The following GABRR3 variants were observed in gnomAD, a reference collection of about 807,000 sequenced individuals.
GABRR3 encodes gamma-aminobutyric acid type A receptor subunit rho3, also known as gamma-aminobutyric acid receptor subunit rho-3.
In GABRR3, 29 loss-of-function variants were observed where a neutral mutation model predicts 43.2. The observed-to-expected ratio is 0.67, with a 90% CI of 0.50 to 0.92. The LOEUF is 0.92. Among genes scored for constraint, GABRR3 ranks in the 40% least tolerant of loss-of-function variants. The pLI is 0.00. For synonymous variants in GABRR3, 206 were observed against 195.9 expected (o/e 1.05, Z -0.43); for missense variants, 576 against 572.3 (o/e 1.01, Z -0.07).
intron 7 of GABRR3, among the ~76,000 whole-genome samples, chr3:98,002,257 G>C (rs907094854): frequency 1.3e-5 from 2 of 152,154 alleles, no homozygotes; most frequent in Non-Finnish European, 2.9e-5. Flanking sequence ...AAAGAAAACA[G>C]CATCCATAAG....
intron 5 of GABRR3, 64 bp from the exon 6 acceptor site, chr3:98,009,102 A>C (rs1232860495): frequency 9.9e-7 from 1 of 1,014,358 alleles, no homozygotes; most frequent in East Asian, 2.6e-5. Flanking sequence ...ATGAGCATGC[A>C]ACATTGAAGC....
intron 4 of GABRR3, 77 bp from the exon 5 acceptor site, chr3:98,012,644 A>G (rs1171319564): frequency 2.1e-6 from 2 of 947,690 alleles, no homozygotes; most frequent in Admixed American, 4.0e-5. Flanking sequence ...TGTTAGTCCC[A>G]GGACTCATTC....
chr3:98,027,877 T>C (rs1414810201), intron 2 of GABRR3, among the ~76,000 whole-genome samples: 2 of 152,166 alleles, frequency 1.3e-5, no homozygotes, highest in Non-Finnish European at 2.9e-5. Context: ...AATCTAAATA[T>C]ACACATTATG....
At chr3:98,021,773 T>C (rs1210204402) in intron 3 of GABRR3, among the ~76,000 whole-genome samples, 1 of 152,228 alleles carries the variant, frequency 6.6e-6, no homozygotes, top group South Asian at 2.1e-4. Context: ...TAATCCTTTT[T>C]GTATATGGCA....
chr3:98,002,521 C>T (rs1297572093), intron 7 of GABRR3, among the ~76,000 whole-genome samples: 1 of 152,124 alleles, frequency 6.6e-6, no homozygotes, highest in Non-Finnish European at 1.5e-5. Context: ...TCTCTGAGCA[C>T]CATTCTTTAA....
intron 2 of GABRR3, among the ~76,000 whole-genome samples, chr3:98,032,823 T>G (rs1707106610): frequency 6.6e-6 from 1 of 152,166 alleles, no homozygotes; most frequent in Non-Finnish European, 1.5e-5. Flanking sequence ...AGATCATGTC[T>G]TCCTTTCATG....
chr3:98,005,991 A>G (rs1666201296), intron 7 of GABRR3, among the ~76,000 whole-genome samples: 1 of 152,136 alleles, frequency 6.6e-6, no homozygotes, highest in African/African-American at 2.4e-5. Flanking sequence ...CACATATACC[A>G]TGCTTCATTG....
At chr3:98,007,718 A>G in intron 7 of GABRR3, 46 bp downstream of exon 7, 1 of 1,606,366 alleles carries the variant, frequency 6.2e-7, no homozygotes, top group South Asian at 1.1e-5. Context: ...TGCAAACAGT[A>G]GATGTCCAAT....
At chr3:97,985,778 T>G (rs1706376807), downstream of GABRR3, among the ~76,000 whole-genome samples, 1 of 152,098 alleles carries the variant, frequency 6.6e-6, no homozygotes, top group African/African-American at 2.4e-5. Context: ...AACATTAGAA[T>G]GAGAAGAATA....
chr3:98,028,965 G>A (rs1226032815), intron 2 of GABRR3, among the ~76,000 whole-genome samples: 1 of 152,016 alleles, frequency 6.6e-6, no homozygotes, highest in African/African-American at 2.4e-5. Context: ...GAGTGTTCTA[G>A]TCTTATTCTA....
At chr3:98,033,443 C>T (rs1423219299) in intron 2 of GABRR3, among the ~76,000 whole-genome samples, 4 of 151,904 alleles carry the variant, frequency 2.6e-5, no homozygotes, top group Non-Finnish European at 1.5e-5. Flanking sequence ...CACAAAGAAC[C>T]AATGTTCTTT....
intron 8 of GABRR3, among the ~76,000 whole-genome samples, chr3:97,993,904 A>G (rs1344369819): frequency 2.6e-5 from 4 of 152,288 alleles, no homozygotes; most frequent in Middle Eastern, 3.4e-3. Context: ...AAAATGGAGA[A>G]CGAAGTGACT....
At chr3:97,986,712 T>A in exon 10 of GABRR3, 4 of 1,564,546 alleles carry the variant, frequency 2.6e-6, no homozygotes, top group Non-Finnish European at 3.5e-6. Context: ...TAAAACAAAT[T>A]AAATAAAATA....
rs1322901134 is a variant in GABRR3, at chr3:98,001,512, C to T, written c.907+103G>A. 4.0e-6 allele frequency: 5 copies of T among 1,257,690 alleles called. No individual in the cohort carries two copies. In the Admixed American group the frequency reaches 1.1e-4, roughly 27 times the overall value. The allele number at this position is 1,257,690 out of a possible 1,614,324, so 77.9% of individuals were successfully genotyped here. On this transcript the variant is annotated intron_variant, in intron 8 of 9. Coordinates refer to ENST00000621172, the Ensembl canonical transcript of GABRR3. Reference sequence around the variant, plus strand: ...GGATGTTCATCTCTGACTATCCCTACTAAACCACCACTCTCTTTTCCTCTC... The same window carrying T: ...GGATGTTCATCTCTGACTATCCCTATTAAACCACCACTCTCTTTTCCTCTC...
intron 9 of GABRR3, among the ~76,000 whole-genome samples, chr3:97,990,970 A>C (rs1041603422): frequency 6.6e-6 from 1 of 152,242 alleles, no homozygotes; most frequent in Non-Finnish European, 1.5e-5. Context: ...AGTGAAAAAT[A>C]GTTTTTAAAA....
At chr3:97,995,636 G>A (rs1248817118) in intron 8 of GABRR3, among the ~76,000 whole-genome samples, 1 of 151,856 alleles carries the variant, frequency 6.6e-6, no homozygotes, top group Non-Finnish European at 1.5e-5. Flanking sequence ...GTGGAGAGGA[G>A]GGATTGTTGG....
chr3:98,032,854 G>C (rs752081246), intron 2 of GABRR3, among the ~76,000 whole-genome samples: 1 of 152,028 alleles, frequency 6.6e-6, no homozygotes, highest in Non-Finnish European at 1.5e-5. Flanking sequence ...TAGTTCTTTT[G>C]CATTATAGAA....
intron 3 of GABRR3, among the ~76,000 whole-genome samples, chr3:98,024,248 A>C (rs1174611355): frequency 2.0e-5 from 3 of 151,890 alleles, no homozygotes; most frequent in Non-Finnish European, 4.4e-5. Flanking sequence ...AATCCCAGCT[A>C]CTTGGGAGGC....
intron 8 of GABRR3, chr3:98,000,463 A>G (rs973445138): frequency 5.9e-5 from 9 of 152,158 alleles, no homozygotes; most frequent in Admixed American, 5.9e-4. Flanking sequence ...AGGTTAGGGC[A>G]CATGCTCTGA....
Sources: allele counts gnomAD v4.1 joint callset (sites outside exome capture counted in the v4.1 genomes callset), GRCh38; gene constraint gnomAD v4.1.1; transcripts MANE v1.5; gene names NCBI Gene and HGNC (gene_info 2026-07-23, HGNC 2026-07-21).